Variants in VAV2 observed in about 807,000 individuals in gnomAD.
VAV2 encodes vav guanine nucleotide exchange factor 2.
A neutral mutation model predicts 132.5 loss-of-function variants in VAV2; 67 were observed. That is an observed-to-expected ratio of 0.51 (90% CI 0.42 to 0.62). The LOEUF is 0.62. Among genes scored for constraint, VAV2 ranks in the 20% least tolerant of loss-of-function variants. The pLI, the probability that VAV2 is intolerant of heterozygous loss-of-function variation, is 0.00. For synonymous variants in VAV2, 492 were observed against 443.5 expected, an observed-to-expected ratio of 1.11 and a Z score of -1.37; for missense variants, 938 against 1,153.6, an observed-to-expected ratio of 0.81 and a Z score of 2.71.
chr9:133,852,642 C>T (rs946656259), intron 3 of VAV2, among the ~76,000 whole-genome samples: 6 of 152,174 alleles, frequency 3.9e-5, no homozygotes, highest in Admixed American at 2.0e-4. Context: ...TGGCTGTTCA[C>T]GCCCCCCTGC....
At chr9:133,943,287 C>T (rs1841238420) in intron 1 of VAV2, among the ~76,000 whole-genome samples, 1 of 152,178 alleles carries the variant, frequency 6.6e-6, no homozygotes, top group East Asian at 1.9e-4. Context: ...GGGACCGGAC[C>T]CAAGGCTGAG....
At chr9:133,784,239 G>T in intron 18 of VAV2, 78 bp downstream of exon 18, 1 of 1,479,288 alleles carries the variant, frequency 6.8e-7, no homozygotes, top group Non-Finnish European at 9.5e-7. Flanking sequence ...ACATGGGACA[G>T]ATAGAACACT....
intron 12 of VAV2, among the ~76,000 whole-genome samples, chr9:133,792,358 CAT>C (rs1491399793): frequency 5.9e-5 from 4 of 67,474 alleles, no homozygotes; most frequent in East Asian, 5.0e-4. Context: ...GGGTGGGGTG[CAT>C]GTGTGTGTGT....
At chr9:133,933,561 G>T (rs796719082) in intron 2 of VAV2, among the ~76,000 whole-genome samples, 28 of 151,654 alleles carry the variant, frequency 1.8e-4, no homozygotes, top group Non-Finnish European at 3.4e-4. Flanking sequence ...ATGGATGGTG[G>T]ATGGATGGAT....
Position 133,769,848 on chromosome 9 carries a change from C to T in VAV2, c.2348-345G>A, listed in dbSNP as rs1418840916. The stretch of plus-strand genomic sequence containing the variant: ...AGCTCGGCCTGTGTGAGACCCATGG[C>T]CCTGCAGGACCCTGCAGGCTGGAGG... On this transcript the variant is annotated intron_variant, in intron 27 of 29. Coordinates refer to ENST00000371850, the MANE Select transcript of VAV2 (RefSeq NM_001134398.2). The surrounding 1 kb of genome is among the most constrained non-coding windows in gnomAD (Gnocchi z 8.1). Among the ~76,000 whole-genome samples, 5 of 152,210 alleles carry T rather than the reference C, an allele frequency of 3.3e-5. No individual in the cohort carries two copies. The highest frequency in any genetic ancestry group is 7.4e-5 in the Non-Finnish European group (5 of 68,016).
intron 2 of VAV2, among the ~76,000 whole-genome samples, chr9:133,886,034 G>A (rs1838689492): frequency 6.6e-6 from 1 of 152,206 alleles, no homozygotes; most frequent in African/African-American, 2.4e-5. Context: ...TCTCCGTACT[G>A]ACAGCTGGGG....
At chr9:133,934,514 G>A (rs913032825) in intron 2 of VAV2, among the ~76,000 whole-genome samples, 1 of 152,210 alleles carries the variant, frequency 6.6e-6, no homozygotes, top group African/African-American at 2.4e-5. Flanking sequence ...CCAAGCAGCT[G>A]GGAGCTCAGA....
rs1588201650 is a variant in VAV2, at chr9:133,806,173, G to T, written c.744C>A (p.Ile248=). The T allele has an allele frequency of 3.1e-6, 5 of 1,611,932 alleles. No individual in the cohort carries two copies. The highest frequency in any genetic ancestry group is 3.3e-5 in the Admixed American group (2 of 59,948). ...CCCTCAGGAAGCTGTGATGCACCTT[G>T]ATCAGGTCCTGGGTTGAAAACCAGC... is the stretch of plus-strand genomic sequence containing the variant. The part of the protein sequence containing the change: ...AAVFINLEDL[I]KVHHSFLRAI... The change falls in exon 9 of 30, where the codon ATC becomes ATA. Residue 248 remains isoleucine (I), a synonymous_variant. Transcript: ENST00000371850.
At chr9:133,868,521 G>A (rs188837985) in intron 2 of VAV2, among the ~76,000 whole-genome samples, 10 of 152,304 alleles carry the variant, frequency 6.6e-5, no homozygotes, top group East Asian at 1.9e-4. Flanking sequence ...GCAGGGACTC[G>A]CGCACAGCTT....
In VAV2 at chr9:133,958,596, G is replaced by A. The variant is rs1054465200; in HGVS notation, c.205-19377C>T. On this transcript the variant is annotated intron_variant, in intron 1 of 29. Coordinates refer to ENST00000371850, the MANE Select transcript of VAV2 (RefSeq NM_001134398.2). ...TACTAAAGGGAACTCAGAGGCTGGC[G>A]GGATCCTCCATATGCTGAACGCTGG... Among the ~76,000 whole-genome samples, 37 of 150,124 alleles carry A rather than the reference G, an allele frequency of 2.5e-4. 1 individual carries two copies. Among genetic ancestry groups the A allele is most frequent in the Non-Finnish European group, 4.8e-4 (32 of 67,250 alleles).
intron 4 of VAV2, among the ~76,000 whole-genome samples, chr9:133,822,456 T>C (rs1835828028): frequency 6.6e-6 from 1 of 152,092 alleles, no homozygotes; most frequent in South Asian, 2.1e-4. Context: ...CTGGATGGTG[T>C]GCATGTGGGG....
intron 3 of VAV2, among the ~76,000 whole-genome samples, chr9:133,851,986 T>A (rs1837204391): frequency 1.3e-5 from 2 of 150,118 alleles, no homozygotes; most frequent in South Asian, 2.1e-4. Flanking sequence ...GATGAATGGA[T>A]GGACAGATGG....
intron 13 of VAV2, among the ~76,000 whole-genome samples, chr9:133,789,725 C>T (rs1484936079): frequency 4.6e-5 from 7 of 152,098 alleles, no homozygotes; most frequent in South Asian, 2.1e-4. Context: ...GAACAAACAG[C>T]GCCTATCTGC....
At chr9:133,839,643 G>C (rs978062749) in intron 3 of VAV2, among the ~76,000 whole-genome samples, 4 of 151,988 alleles carry the variant, frequency 2.6e-5, no homozygotes, top group Non-Finnish European at 5.9e-5. Flanking sequence ...TAGAGACAGG[G>C]TTTCACTATG....
At chr9:133,936,239 C>A (rs1274946189) in intron 2 of VAV2, among the ~76,000 whole-genome samples, 6 of 126,798 alleles carry the variant, frequency 4.7e-5, no homozygotes, top group African/African-American at 2.0e-4. Flanking sequence ...GCAGCCATTG[C>A]GTCTTTTTTT....
In VAV2 at chr9:133,885,339, A is replaced by T. The variant is rs1368771580; in HGVS notation, c.322-23907T>A. 2.6e-5 allele frequency among the ~76,000 whole-genome samples: 4 copies of T among 152,108 alleles called. No individual in the cohort carries two copies. The highest frequency in any genetic ancestry group is 2.1e-4 in the South Asian group (1 of 4,824). On this transcript the variant is annotated intron_variant, in intron 2 of 29. Transcript: ENST00000371850. The surrounding 1 kb of genome is among the most constrained non-coding windows in gnomAD (Gnocchi z 5.0). The stretch of plus-strand genomic sequence containing the variant: ...CACTGTCTGCCTCTGCTTCTTCCCC[A>T]CAAGTTCAAGGTCGGTGTACTCAGG...
At chr9:133,783,801 C>G (rs1834104943) in intron 18 of VAV2, among the ~76,000 whole-genome samples, 1 of 151,924 alleles carries the variant, frequency 6.6e-6, no homozygotes, top group Non-Finnish European at 1.5e-5. Context: ...TGCCTCCCTG[C>G]CCCACACAGC....
intron 4 of VAV2, among the ~76,000 whole-genome samples, chr9:133,816,607 C>G (rs1019032542): frequency 6.6e-6 from 1 of 152,166 alleles, no homozygotes; most frequent in Non-Finnish European, 1.5e-5. Flanking sequence ...GTGGCTCATG[C>G]CTGTCGTCCC....
rs1371480475 is a variant in VAV2 at position 133,992,299 on chromosome 9, G to A, written c.-21C>T. ...TCCATGGCGCCCGCGGGCCCGACCG[G>A]CTCAGGGCAGTGCTCGAGCCAAAGT... On this transcript the variant is annotated 5_prime_UTR_variant, in exon 1 of 30. Transcript: ENST00000371850. The surrounding 1 kb of genome is among the most constrained non-coding windows in gnomAD (Gnocchi z 5.5). 3.5e-6 allele frequency: 5 copies of A among 1,425,526 alleles called. No individual in the cohort carries two copies. Among genetic ancestry groups the A allele is most frequent in the Non-Finnish European group, 4.6e-6 (5 of 1,079,490 alleles). 88.3% of individuals were successfully genotyped at this position (1,425,526 alleles called of 1,614,324 possible).
Sources: allele counts gnomAD v4.1 joint callset (sites outside exome capture counted in the v4.1 genomes callset), GRCh38; gene constraint gnomAD v4.1.1; non-coding constraint Gnocchi (gnomAD v3.1); transcripts MANE v1.5; gene names NCBI Gene and HGNC (gene_info 2026-07-23, HGNC 2026-07-21).